CPQ: variants seen among roughly 807,000 people sequenced by gnomAD.
The protein encoded by CPQ is carboxypeptidase Q, also known as Ser-Met dipeptidase.
CPQ carries 37 observed loss-of-function variants against 45.7 expected under a neutral mutation model. The observed-to-expected ratio is 0.81, with a 90% CI of 0.62 to 1.07. The LOEUF is 1.07. Among genes scored for constraint, CPQ ranks in the 50% least tolerant of loss-of-function variants. CPQ has a pLI of 0.00. For synonymous variants in CPQ, 186 were observed against 205.8 expected (o/e 0.90, Z 0.82); for missense variants, 537 against 572.9 (o/e 0.94, Z 0.64).
chr8:97,068,490 G>A (rs918810199), intron 7 of CPQ, among the ~76,000 whole-genome samples: 20 of 152,052 alleles, frequency 1.3e-4, no homozygotes, highest in African/African-American at 4.1e-4. Context: ...AAAGTTAGCC[G>A]GATGTGGTGG....
At chr8:97,053,960 A>C (rs60893738) in intron 6 of CPQ, among the ~76,000 whole-genome samples, 20,636 of 151,910 alleles carry the variant, frequency 0.14, 3,391 homozygotes, top group African/African-American at 0.39. Context: ...TCAAGCATAA[A>C]CTGACAGTTT....
In CPQ at chr8:96,921,867, C is replaced by T. The variant is rs75822292; in HGVS notation, c.849+41862C>T. Reference sequence around the variant, plus strand: ...ATCTTATTCATAATTAAAGTTACAACGGTGACTATGTGGAAGTATCTTGGA... The same window carrying T: ...ATCTTATTCATAATTAAAGTTACAATGGTGACTATGTGGAAGTATCTTGGA... On this transcript the variant is annotated intron_variant, in intron 4 of 7. Coordinates refer to ENST00000220763, the MANE Select transcript of CPQ (RefSeq NM_016134.4). 5.1e-4 allele frequency among the ~76,000 whole-genome samples: 78 copies of T among 152,158 alleles called. No individual in the cohort carries two copies. In the East Asian group the frequency reaches 8.9e-3, roughly 17 times the overall value.
At chr8:96,766,139 T>G (rs1810464852) in intron 1 of CPQ, among the ~76,000 whole-genome samples, 1 of 152,276 alleles carries the variant, frequency 6.6e-6, no homozygotes, top group Admixed American at 6.5e-5. Context: ...GAAATAACAT[T>G]TACTGGTTGC....
intron 4 of CPQ, among the ~76,000 whole-genome samples, chr8:96,955,827 A>G (rs1241871177): frequency 1.3e-5 from 2 of 152,204 alleles, no homozygotes; most frequent in African/African-American, 4.8e-5. Flanking sequence ...CCATGTGCAG[A>G]AAGCTGAAAC....
chr8:96,832,872 C>G (rs1435593118), intron 2 of CPQ, among the ~76,000 whole-genome samples: 2 of 152,050 alleles, frequency 1.3e-5, no homozygotes, highest in Non-Finnish European at 2.9e-5. Context: ...GCAGATCTGA[C>G]TCTTCAGTAG....
chr8:96,827,527 G>A (rs1811395876), intron 2 of CPQ, among the ~76,000 whole-genome samples: 2 of 152,120 alleles, frequency 1.3e-5, no homozygotes, highest in African/African-American at 4.8e-5. Context: ...TTTTATTCCT[G>A]GTAATTTGGC....
intron 2 of CPQ, among the ~76,000 whole-genome samples, chr8:96,789,934 T>C (rs1810825198): frequency 6.6e-6 from 1 of 152,154 alleles, no homozygotes; most frequent in African/African-American, 2.4e-5. Flanking sequence ...GACATGTGTG[T>C]AGCTTTTCAA....
chr8:96,757,350 CAAT>C (rs1359775854), intron 1 of CPQ, among the ~76,000 whole-genome samples: 1 of 103,388 alleles, frequency 9.7e-6, no homozygotes, highest in African/African-American at 3.4e-5. Flanking sequence ...GACTCCATCT[CAAT>C]GATAATAATA....
intron 7 of CPQ, among the ~76,000 whole-genome samples, chr8:97,119,183 G>A (rs1030653474): frequency 5.9e-5 from 9 of 152,132 alleles, no homozygotes; most frequent in African/African-American, 2.2e-4. Flanking sequence ...ACAGAAATTA[G>A]CTGGGCGTGG....
At chr8:96,886,649 T>C (rs1158058010) in intron 4 of CPQ, among the ~76,000 whole-genome samples, 1 of 152,192 alleles carries the variant, frequency 6.6e-6, no homozygotes, top group Non-Finnish European at 1.5e-5. Flanking sequence ...ACAGCAAATA[T>C]GTGGTACAAA....
Position 97,123,115 on chromosome 8 carries a change from A to AAAAT in CPQ, c.1256-19901_1256-19898dup, listed in dbSNP as rs1563587178. ...TAAAATAAAATAAATAAAATAAAAT[A>AAAAT]AAATAAAATAAATAAAATAAAATAA... On this transcript the variant is annotated intron_variant, in intron 7 of 7. Coordinates refer to ENST00000220763, the MANE Select transcript of CPQ (RefSeq NM_016134.4). Among the ~76,000 whole-genome samples, 14 of 129,866 alleles carry AAAAT rather than the reference A, an allele frequency of 1.1e-4. 1 individual carries two copies. The highest frequency in any genetic ancestry group is 3.7e-4 in the African/African-American group (12 of 32,054). The allele number at this position is 129,866 out of a possible 152,430, so 85.2% of individuals were successfully genotyped here. A position where few individuals can be genotyped will look rare whatever the true frequency, so the allele number is the denominator to read the frequency against.
At chr8:96,976,695 A>G (rs1813795063) in intron 5 of CPQ, among the ~76,000 whole-genome samples, 1 of 152,150 alleles carries the variant, frequency 6.6e-6, no homozygotes, top group Non-Finnish European at 1.5e-5. Context: ...AAATAAAGCC[A>G]AATACTTACA....
chr8:96,853,552 TACTG>T, intron 3 of CPQ, among the ~76,000 whole-genome samples: 1 of 146,010 alleles, frequency 6.8e-6, no homozygotes, highest in African/African-American at 2.5e-5. Flanking sequence ...ATGTTTATAA[TACTG>T]GGCATGATTT....
intron 5 of CPQ, 48 bp downstream of exon 5, chr8:96,966,094 A>G: frequency 7.4e-7 from 1 of 1,353,364 alleles, no homozygotes; most frequent in Non-Finnish European, 1.0e-6. Flanking sequence ...TCTCAGTGAC[A>G]TGTTTAACTC....
intron 4 of CPQ, among the ~76,000 whole-genome samples, chr8:96,893,267 G>A (rs1812400769): frequency 6.6e-6 from 1 of 152,158 alleles, no homozygotes; most frequent in Admixed American, 6.5e-5. Context: ...AAATGAAAAA[G>A]AAAACCAGGA....
At chr8:96,786,067 T>C (rs193187691) in intron 2 of CPQ, among the ~76,000 whole-genome samples, 38 of 152,288 alleles carry the variant, frequency 2.5e-4, no homozygotes, top group Admixed American at 2.2e-3. Flanking sequence ...GCATTTAGAA[T>C]GTACAAGCGA....
At chr8:96,932,616 C>T (rs981783529) in intron 4 of CPQ, among the ~76,000 whole-genome samples, 3 of 152,132 alleles carry the variant, frequency 2.0e-5, no homozygotes, top group Admixed American at 6.5e-5. Flanking sequence ...TTCCAGTCAT[C>T]GTGAATTACA....
chr8:96,822,771 A>G (rs959115958), intron 2 of CPQ, among the ~76,000 whole-genome samples: 1 of 151,996 alleles, frequency 6.6e-6, no homozygotes, highest in Non-Finnish European at 1.5e-5. Flanking sequence ...CTCTGCAATG[A>G]GTATTCTTGT....
intron 5 of CPQ, among the ~76,000 whole-genome samples, chr8:96,988,225 A>AG (rs1809025158): frequency 6.6e-6 from 1 of 152,170 alleles, no homozygotes; most frequent in Admixed American, 6.5e-5. Context: ...GGGTTATAGG[A>AG]GAAAAATAAC....
Sources: allele counts gnomAD v4.1 joint callset (sites outside exome capture counted in the v4.1 genomes callset), GRCh38; gene constraint gnomAD v4.1.1; transcripts MANE v1.5; gene names NCBI Gene and HGNC (gene_info 2026-07-23, HGNC 2026-07-21).